The following TEAD1 variants were observed in gnomAD, a reference collection of about 807,000 sequenced individuals.
TEAD1 encodes TEA domain transcription factor 1.
In TEAD1, 9 loss-of-function variants were observed where a neutral mutation model predicts 54.9. The ratio of observed to expected loss-of-function variants is 0.16; its 90% CI spans 0.10 to 0.29. The LOEUF (loss-of-function observed/expected upper bound fraction) is 0.29. Ranked by LOEUF, TEAD1 falls within the 10% of genes least tolerant of loss-of-function variation. TEAD1 has a pLI of 1.00. For synonymous variants in TEAD1, 200 were observed against 187.8 expected (o/e 1.07, Z -0.53); for missense variants, 387 against 535.9 (o/e 0.72, Z 2.74).
chr11:12,676,321 T>A (rs534720295), intron 2 of TEAD1, among the ~76,000 whole-genome samples: 1 of 152,180 alleles, frequency 6.6e-6, no homozygotes, highest in Non-Finnish European at 1.5e-5. Flanking sequence ...GTTACCTGAG[T>A]AGACATATCC....
chr11:12,886,687 G>A (rs1282750838), intron 9 of TEAD1, among the ~76,000 whole-genome samples: 1 of 151,272 alleles, frequency 6.6e-6, no homozygotes, highest in Non-Finnish European at 1.5e-5. Flanking sequence ...TTTGAGATGG[G>A]GTCTTACTGT....
intron 9 of TEAD1, among the ~76,000 whole-genome samples, chr11:12,890,249 T>C (rs1428629568): frequency 2.0e-5 from 3 of 152,124 alleles, no homozygotes; most frequent in African/African-American, 7.2e-5. Context: ...AAAGACAAAG[T>C]TCAAAAGTTA....
chr11:12,753,142 C>T (rs1197439330), intron 2 of TEAD1, among the ~76,000 whole-genome samples: 6 of 152,050 alleles, frequency 3.9e-5, no homozygotes. Context: ...CAGCGCCCAG[C>T]CTGATTATAC....
At chr11:12,743,326 C>A (rs1944683745) in intron 2 of TEAD1, among the ~76,000 whole-genome samples, 1 of 152,134 alleles carries the variant, frequency 6.6e-6, no homozygotes, top group Non-Finnish European at 1.5e-5. Flanking sequence ...ACGAGGGTGG[C>A]CTGGGCATAG....
chr11:12,685,086 A>T (rs1943305494), intron 2 of TEAD1, among the ~76,000 whole-genome samples: 1 of 151,958 alleles, frequency 6.6e-6, no homozygotes, highest in Admixed American at 6.6e-5. Flanking sequence ...GATCTGGGCC[A>T]CTCCTGGTGA....
intron 3 of TEAD1, among the ~76,000 whole-genome samples, chr11:12,840,164 G>A (rs926763638): frequency 1.6e-4 from 24 of 150,304 alleles, no homozygotes; most frequent in Non-Finnish European, 2.5e-4. Context: ...GAAGAATGGC[G>A]TGAACCCGGG....
intron 4 of TEAD1, among the ~76,000 whole-genome samples, chr11:12,864,181 TGAGA>T (rs1424354438): frequency 6.6e-6 from 1 of 152,178 alleles, no homozygotes; most frequent in African/African-American, 2.4e-5. Context: ...GAGCTCTTAA[TGAGA>T]TCAGAATACA....
At chr11:12,755,006 A>G (rs1235003527) in intron 2 of TEAD1, among the ~76,000 whole-genome samples, 4 of 152,214 alleles carry the variant, frequency 2.6e-5, no homozygotes, top group Non-Finnish European at 5.9e-5. Flanking sequence ...AGAATTCTGA[A>G]TCAGCCAAGG....
At chr11:12,746,064 A>G (rs771808091) in intron 2 of TEAD1, among the ~76,000 whole-genome samples, 1 of 152,240 alleles carries the variant, frequency 6.6e-6, no homozygotes, top group African/African-American at 2.4e-5. Flanking sequence ...GTAAACCAGG[A>G]TGAAAGAACA....
intron 2 of TEAD1, among the ~76,000 whole-genome samples, chr11:12,679,710 TG>T (rs1193354333): frequency 6.6e-6 from 1 of 152,130 alleles, no homozygotes; most frequent in Non-Finnish European, 1.5e-5. Flanking sequence ...TGCTCTTGGA[TG>T]GTGTTCAAGT....
chr11:12,926,005 TC>T (rs1214368098), intron 11 of TEAD1, among the ~76,000 whole-genome samples: 1 of 152,222 alleles, frequency 6.6e-6, no homozygotes, highest in Non-Finnish European at 1.5e-5. Context: ...ATTTGTTTGA[TC>T]AGGGTGAGTT....
chr11:12,913,783 G>A (rs918353136), intron 10 of TEAD1, among the ~76,000 whole-genome samples: 3 of 152,212 alleles, frequency 2.0e-5, no homozygotes, highest in African/African-American at 4.8e-5. Context: ...TGGGTTCCCC[G>A]TTTTATCTGG....
chr11:12,883,075 C>T lies in TEAD1; in HGVS notation c.649C>T (p.Arg217Cys), dbSNP rs763864290. Residue 217 changes from arginine to cysteine, a missense_variant, in exon 9 of 13, where the codon CGC becomes TGC. This residue lies in a region of TEAD1 where 180 missense variants were observed against 180.6 expected (regional missense o/e 1.00). Transcript: ENST00000527636. Reference sequence around the variant, plus strand: ...TCGCTCCATTGGCACAACCAAGCTTCGCCTGGTGGAATTTTCAGCTTTTCT... The same window carrying T: ...TCGCTCCATTGGCACAACCAAGCTTTGCCTGGTGGAATTTTCAGCTTTTCT... 5.5e-5 allele frequency: 89 copies of T among 1,614,096 alleles called. No homozygotes were observed. The highest frequency in any genetic ancestry group is 1.8e-4 in the Admixed American group (11 of 60,006).
intron 3 of TEAD1, among the ~76,000 whole-genome samples, chr11:12,861,034 G>A (rs56402411): frequency 0.027 from 4,042 of 152,298 alleles, 97 homozygotes; most frequent in Non-Finnish European, 0.041. Flanking sequence ...CACAAGGATA[G>A]AGCTGAGCTG....
At chr11:12,926,767 A>C (rs1371796257) in intron 11 of TEAD1, among the ~76,000 whole-genome samples, 3 of 152,166 alleles carry the variant, frequency 2.0e-5, no homozygotes, top group African/African-American at 7.2e-5. Flanking sequence ...AACAGAGGAC[A>C]AAAATGAGTG....
At chr11:12,809,952 G>A (rs1248453490) in intron 3 of TEAD1, among the ~76,000 whole-genome samples, 2 of 145,776 alleles carry the variant, frequency 1.4e-5, no homozygotes, top group East Asian at 4.2e-4. Context: ...GAGGAGGAAA[G>A]AAAGAAAACT....
At chr11:12,780,880 C>T (rs1945528494) in intron 3 of TEAD1, among the ~76,000 whole-genome samples, 1 of 152,044 alleles carries the variant, frequency 6.6e-6, no homozygotes, top group South Asian at 2.1e-4. Flanking sequence ...ATTCAAGACC[C>T]AGAATAGCCA....
rs374897300 is a variant in TEAD1 at position 12,885,705 on chromosome 11, A to C, written c.699+2580A>C. Among the ~76,000 whole-genome samples the C allele has an allele frequency of 3.3e-5, 5 of 152,290 alleles. No individual in the cohort carries two copies. In the East Asian group the frequency reaches 9.6e-4, roughly 29 times the overall value. On this transcript the variant is annotated intron_variant, in intron 9 of 12. Transcript: ENST00000527636. ...TCATTTATAAAAATTCTCTTTTTTTAAAAGAAATTAAAATAATGTGGTAGC... is the reference window on the plus strand; with the variant it reads ...TCATTTATAAAAATTCTCTTTTTTTCAAAGAAATTAAAATAATGTGGTAGC...
intron 2 of TEAD1, among the ~76,000 whole-genome samples, chr11:12,695,934 T>C (rs1246746449): frequency 6.6e-6 from 1 of 152,180 alleles, no homozygotes; most frequent in Non-Finnish European, 1.5e-5. Context: ...TCAGGTGAGA[T>C]TCCTGCTAAG....
Sources: gnomAD v4.1 joint callset for allele counts (sites outside exome capture counted in the v4.1 genomes callset) on GRCh38, gnomAD v4.1.1 for gene constraint, gnomAD v4.1.1 regional missense constraint, MANE v1.5 for transcripts, NCBI Gene and HGNC (gene_info 2026-07-23, HGNC 2026-07-21) for gene names.